The following MICU2 variants were observed in gnomAD, a reference collection of about 807,000 sequenced individuals.
MICU2 encodes calcium uptake protein 2, mitochondrial.
MICU2 carries 64 observed loss-of-function variants against 60.4 expected under a neutral mutation model. The observed-to-expected ratio is 1.06, with a 90% CI of 0.87 to 1.31. The LOEUF is 1.31. Among genes scored for constraint, MICU2 ranks in the 50% most tolerant of loss-of-function variants. MICU2 has a pLI of 0.00. For synonymous variants in MICU2, 201 were observed against 175.0 expected (o/e 1.15, Z -1.17); for missense variants, 569 against 531.0 (o/e 1.07, Z -0.70).
At chr13:21,555,203 C>G (rs1452322593) in intron 2 of MICU2, among the ~76,000 whole-genome samples, 2 of 152,146 alleles carry the variant, frequency 1.3e-5, no homozygotes, top group Non-Finnish European at 2.9e-5. Flanking sequence ...CAAAGCCTGG[C>G]AGAGACACAA....
intron 9 of MICU2, among the ~76,000 whole-genome samples, chr13:21,502,406 G>A (rs1018144026): frequency 4.0e-5 from 6 of 151,796 alleles, no homozygotes; most frequent in South Asian, 2.1e-4. Context: ...CATACATCTC[G>A]TATATATATA....
intron 6 of MICU2, chr13:21,515,408 C>A: frequency 3.9e-6 from 1 of 254,310 alleles, no homozygotes. Context: ...CTATTTATAT[C>A]ATACACATAG....
intron 6 of MICU2, among the ~76,000 whole-genome samples, chr13:21,520,667 T>TG: frequency 1.3e-5 from 2 of 151,550 alleles, no homozygotes; most frequent in Middle Eastern, 3.4e-3. Flanking sequence ...TTTGTTTTTT[T>TG]TTTTTAATAT....
intron 4 of MICU2, among the ~76,000 whole-genome samples, chr13:21,529,898 A>G (rs1211450317): frequency 2.0e-5 from 3 of 152,154 alleles, no homozygotes; most frequent in Admixed American, 2.0e-4. Context: ...GGAGGGATGG[A>G]GAAGGGGAAG....
intron 2 of MICU2, among the ~76,000 whole-genome samples, chr13:21,553,557 T>C (rs1200051): frequency 0.94 from 139,194 of 147,674 alleles, 65,717 homozygotes; most frequent in East Asian, 1. Flanking sequence ...AAGGAACAAC[T>C]GGTACCAGCC....
In MICU2 at chr13:21,591,032, C is replaced by T. The variant is rs571560061; in HGVS notation, c.210+12907G>A. ...ATGACAGGATCAAATTCACACGTAA[C>T]AATAGTAACCTTAAATATAAATGGG... On this transcript the variant is annotated intron_variant, in intron 1 of 11. Transcript: ENST00000382374. 1.0e-3 allele frequency among the ~76,000 whole-genome samples: 157 copies of T among 152,212 alleles called. 1 individual carries two copies. The highest frequency in any genetic ancestry group is 1.8e-3 in the Non-Finnish European group (120 of 67,994).
At chr13:21,556,531 C>T (rs962133255) in intron 2 of MICU2, among the ~76,000 whole-genome samples, 20 of 152,078 alleles carry the variant, frequency 1.3e-4, no homozygotes, top group Non-Finnish European at 1.2e-4. Flanking sequence ...CTAATGTCTA[C>T]GCAGTTTTCA....
intron 2 of MICU2, among the ~76,000 whole-genome samples, chr13:21,549,171 C>T (rs1001368201): frequency 1.2e-4 from 18 of 152,030 alleles, no homozygotes; most frequent in South Asian, 6.2e-4. Context: ...CCTCGTGATC[C>T]GCCCGCCTTG....
intron 2 of MICU2, among the ~76,000 whole-genome samples, chr13:21,553,446 T>C (rs1346086465): frequency 4.4e-4 from 67 of 152,132 alleles, no homozygotes; most frequent in Non-Finnish European, 1.3e-4. Flanking sequence ...CTGACTGCCC[T>C]GGCCAGAACT....
chr13:21,598,910 G>C (rs1243537671), intron 1 of MICU2, among the ~76,000 whole-genome samples: 1 of 152,124 alleles, frequency 6.6e-6, no homozygotes, highest in Non-Finnish European at 1.5e-5. Flanking sequence ...CCATGGACCA[G>C]TAAGGGTCCA....
At chr13:21,584,216 C>T (rs935579014) in intron 1 of MICU2, among the ~76,000 whole-genome samples, 3 of 152,006 alleles carry the variant, frequency 2.0e-5, no homozygotes, top group Non-Finnish European at 4.4e-5. Context: ...GGTGAAACCC[C>T]GTCTCTACTA....
At chr13:21,521,511 C>A (rs1045897390) in intron 5 of MICU2, among the ~76,000 whole-genome samples, 184 bp from the exon 6 acceptor site, 1 of 152,148 alleles carries the variant, frequency 6.6e-6, no homozygotes, top group African/African-American at 2.4e-5. Flanking sequence ...TTGTTCCCTG[C>A]CTTCTTCAAC....
rs138772792 is a variant in MICU2, at chr13:21,590,679, C to A, written c.210+13260G>T. 7.6e-3 allele frequency among the ~76,000 whole-genome samples: 1,149 copies of A among 152,162 alleles called. 17 individuals carry two copies. The highest frequency in any genetic ancestry group is 0.026 in the African/African-American group (1,093 of 41,518). On this transcript the variant is annotated intron_variant, in intron 1 of 11. Transcript: ENST00000382374. ...ACCATCGTGGCCAACATGGTGAAAC[C>A]CCCGTTTCTACTAAAAATACAAAAA...
chr13:21,522,646 T>C lies in MICU2; in HGVS notation c.471A>G (p.Leu157=), dbSNP rs1414774972. The C allele has an allele frequency of 1.9e-6, 3 of 1,602,142 alleles. No individual in the cohort carries two copies. Among genetic ancestry groups the C allele is most frequent in the Admixed American group, 3.4e-5 (2 of 58,662 alleles). The change falls in exon 5 of 12, where the codon CTA becomes CTG. Residue 157 remains leucine, a synonymous_variant. Transcript: ENST00000382374. The part of the protein sequence containing the change: ...TFFRDLGDKG[L]ISYTEYLFLL... The stretch of plus-strand genomic sequence containing the variant: ...AGAAAAGATACTCGGTATATGAAAT[T>C]AGCCCTGAAAGAGATAAAAACATAC...
chr13:21,575,742 A>G (rs922188183), intron 1 of MICU2, among the ~76,000 whole-genome samples: 13 of 150,836 alleles, frequency 8.6e-5, no homozygotes, highest in Non-Finnish European at 3.0e-5. Context: ...AAAAAAAAAA[A>G]AAAAAAAAAA....
intron 11 of MICU2, 120 bp downstream of exon 11, chr13:21,495,041 C>A: frequency 1.6e-6 from 1 of 632,450 alleles, no homozygotes; most frequent in Non-Finnish European, 2.5e-6. Flanking sequence ...TCAATTACAG[C>A]TTATAGTCTT....
intron 1 of MICU2, among the ~76,000 whole-genome samples, chr13:21,600,297 G>T (rs1888785508): frequency 6.6e-6 from 1 of 152,118 alleles, no homozygotes; most frequent in Non-Finnish European, 1.5e-5. Flanking sequence ...CCAGATCTCT[G>T]TAAAGCTATC....
In MICU2 at chr13:21,604,090, C is replaced by G. The variant is rs754322914; in HGVS notation, c.59G>C (p.Arg20Pro). ...AGCCTGTCGGCTGACAGCGAGCCCCCGTCGCAGTTTTCCGCCCCAGGCCGC... is the reference window on the plus strand; with the variant it reads ...AGCCTGTCGGCTGACAGCGAGCCCCGGTCGCAGTTTTCCGCCCCAGGCCGC... ...RVAAWGGKLR[R>P]GLAVSRQAVR... Residue 20 changes from arginine to proline, a missense_variant, in exon 1 of 12, where the codon CGG becomes CCG. Transcript: ENST00000382374. 4 of 1,594,778 alleles carry G rather than the reference C, an allele frequency of 2.5e-6. No homozygotes were observed. Among genetic ancestry groups the G allele is most frequent in the South Asian group, 2.2e-5 (2 of 89,270 alleles).
chr13:21,587,287 A>AG (rs1234761880), intron 1 of MICU2, among the ~76,000 whole-genome samples: 1 of 152,254 alleles, frequency 6.6e-6, no homozygotes, highest in Non-Finnish European at 1.5e-5. Flanking sequence ...AGCCCTATGA[A>AG]GCCACAAAAT....
Sources: allele counts gnomAD v4.1 joint callset (sites outside exome capture counted in the v4.1 genomes callset), GRCh38; gene constraint gnomAD v4.1.1; transcripts MANE v1.5; gene names NCBI Gene and HGNC (gene_info 2026-07-23, HGNC 2026-07-21).